Variants in TTC17 observed in about 807,000 individuals in gnomAD.
The protein encoded by TTC17 is tetratricopeptide repeat domain 17, also known as tetratricopeptide repeat protein 17.
A neutral mutation model predicts 143.8 loss-of-function variants in TTC17; 58 were observed. The ratio of observed to expected loss-of-function variants is 0.40; its 90% CI spans 0.33 to 0.50. The LOEUF (loss-of-function observed/expected upper bound fraction) is 0.50, where lower values mean the gene tolerates loss of function less well. Ranked by LOEUF, TTC17 falls within the 20% of genes least tolerant of loss-of-function variation. The pLI, the probability that TTC17 is intolerant of heterozygous loss-of-function variation, is 0.49. For missense variants in TTC17, 1,273 were observed against 1,392.5 expected, an observed-to-expected ratio of 0.91 and a Z score of 1.37; for synonymous variants, 501 against 497.8, an observed-to-expected ratio of 1.01 and a Z score of -0.09.
chr11:43,490,845 C>G (rs1341063584), intron 22 of TTC17: 1 of 90,320 alleles, frequency 1.1e-5, no homozygotes, highest in East Asian at 3.6e-4. Context: ...CTGACTTCTA[C>G]TTTTTCCACA....
chr11:43,446,084 C>CT (rs1409659446), intron 18 of TTC17: 1 of 1,502,020 alleles, frequency 6.7e-7, no homozygotes, highest in African/African-American at 1.4e-5. Context: ...AAAATTCAAA[C>CT]TTCCTAGTGT....
At chr11:43,465,300 C>T (rs1451297619) in intron 21 of TTC17, among the ~76,000 whole-genome samples, 1 of 152,164 alleles carries the variant, frequency 6.6e-6, no homozygotes, top group East Asian at 1.9e-4. Context: ...ACTTCTTAGA[C>T]ACAATGTCAA....
chr11:43,452,271 A>G (rs1166453286), intron 21 of TTC17, among the ~76,000 whole-genome samples: 1 of 152,022 alleles, frequency 6.6e-6, no homozygotes, highest in South Asian at 2.1e-4. Context: ...AGGCCAAGGC[A>G]GGTGGATCAC....
At chr11:43,367,287 A>G (rs916400637) in intron 1 of TTC17, among the ~76,000 whole-genome samples, 1 of 152,184 alleles carries the variant, frequency 6.6e-6, no homozygotes, top group East Asian at 1.9e-4. Flanking sequence ...TACTGTAGTC[A>G]TGTTGTGTTA....
At chr11:43,446,470 G>A (rs1947544058) in intron 18 of TTC17, 1 of 325,284 alleles carries the variant, frequency 3.1e-6, no homozygotes, top group Admixed American at 6.5e-5. Context: ...GTCTTTTATG[G>A]TTCTCAGCCC....
At chr11:43,391,661 T>C in intron 4 of TTC17, 85 bp downstream of exon 4, 1 of 1,268,886 alleles carries the variant, frequency 7.9e-7, no homozygotes, top group Non-Finnish European at 1.1e-6. Flanking sequence ...CCATTTCTCT[T>C]TCTTCTCTCC....
At chr11:43,384,233 T>TACTATGCA (rs1857087539) in intron 2 of TTC17, among the ~76,000 whole-genome samples, 1 of 152,088 alleles carries the variant, frequency 6.6e-6, no homozygotes, top group African/African-American at 2.4e-5. Context: ...AAAAAGTATC[T>TACTATGCA]ACTATGCAAA....
intron 2 of TTC17, among the ~76,000 whole-genome samples, chr11:43,381,528 A>AAAT (rs1345909302): frequency 6.6e-6 from 1 of 152,162 alleles, no homozygotes; most frequent in African/African-American, 2.4e-5. Flanking sequence ...AGCCTGGCAA[A>AAAT]AATAATAATA....
chr11:43,462,292 G>A (rs961842103), intron 21 of TTC17, among the ~76,000 whole-genome samples: 1 of 152,214 alleles, frequency 6.6e-6, no homozygotes, highest in Admixed American at 6.5e-5. Flanking sequence ...AGTATGGAAA[G>A]AAGAGGACTT....
intron 1 of TTC17, among the ~76,000 whole-genome samples, chr11:43,378,021 A>C (rs1301987222): frequency 1.3e-5 from 2 of 152,056 alleles, no homozygotes; most frequent in Non-Finnish European, 2.9e-5. Context: ...CTCCTACCTC[A>C]GCCTCCCGAG....
At chr11:43,459,327 C>T (rs1947821233) in intron 21 of TTC17, among the ~76,000 whole-genome samples, 1 of 152,204 alleles carries the variant, frequency 6.6e-6, no homozygotes. Context: ...CTTTGGTTCT[C>T]TGAAGTTGGC....
intron 21 of TTC17, among the ~76,000 whole-genome samples, chr11:43,479,345 G>A (rs1461973492): frequency 1.3e-5 from 2 of 152,098 alleles, no homozygotes; most frequent in Non-Finnish European, 2.9e-5. Context: ...AATAGCATCA[G>A]AAATGAGTAG....
At chr11:43,473,613 G>A (rs138893466) in intron 21 of TTC17, among the ~76,000 whole-genome samples, 2 of 152,300 alleles carry the variant, frequency 1.3e-5, no homozygotes, top group African/African-American at 2.4e-5. Context: ...AGTAGCTCAC[G>A]CCTGTAATCT....
At chr11:43,478,278 C>G (rs1276717302) in intron 21 of TTC17, among the ~76,000 whole-genome samples, 1 of 152,118 alleles carries the variant, frequency 6.6e-6, no homozygotes, top group Non-Finnish European at 1.5e-5. Context: ...ATGTATGGCG[C>G]TCATTTAGAT....
intron 10 of TTC17, 172 bp downstream of exon 10, chr11:43,401,730 G>A: frequency 2.0e-6 from 1 of 512,372 alleles, no homozygotes; most frequent in East Asian, 3.4e-5. Flanking sequence ...TGTAATCTCA[G>A]CACTTAGGGA....
chr11:43,430,750 A>ACACACAC (rs1565162027), intron 16 of TTC17, among the ~76,000 whole-genome samples: 1 of 75,822 alleles, frequency 1.3e-5, no homozygotes, highest in East Asian at 3.0e-4. Flanking sequence ...CACACACACA[A>ACACACAC]AGTTGAAATT....
intron 1 of TTC17, among the ~76,000 whole-genome samples, chr11:43,365,284 G>A (rs1473845523): frequency 1.3e-5 from 2 of 151,662 alleles, no homozygotes; most frequent in Non-Finnish European, 2.9e-5. Flanking sequence ...TTTATTTTTT[G>A]TAGAGATAGG....
At chr11:43,409,798 A>C (rs948109231) in intron 15 of TTC17, among the ~76,000 whole-genome samples, 4 of 151,780 alleles carry the variant, frequency 2.6e-5, no homozygotes, top group African/African-American at 9.7e-5. Flanking sequence ...TGTAACGTAA[A>C]GTTTTATCTT....
At position 43,414,755 on chromosome 11, in the gene TTC17, A is replaced by T. The variant is rs1287597963; in HGVS notation, c.2230A>T (p.Ile744Phe). ...GCAGTTTTATCCTTTTCTGTACAAC[A>T]TCACTTCTTCTGTTTGCAGTGGTAA... is the stretch of plus-strand genomic sequence containing the variant. ...CMQFYPFLYN[I>F]TSSVCSGTVV... Residue 744 changes from isoleucine (I) to phenylalanine (F), a missense_variant, in exon 16 of 24, where the codon ATC becomes TTC. Ile to Phe is a conservative substitution (Grantham distance 21). Around this residue, in one of 3 missense-constraint regions of TTC17, gnomAD observed 878 missense variants for 899.8 expected, o/e 0.98. Transcript: ENST00000039989. 1 of 1,613,458 alleles carries T rather than the reference A, an allele frequency of 6.2e-7. No homozygotes were observed. The highest frequency in any genetic ancestry group is 2.2e-5 in the East Asian group (1 of 44,854).
Sources: allele counts gnomAD v4.1 joint callset (sites outside exome capture counted in the v4.1 genomes callset), GRCh38; gene constraint gnomAD v4.1.1; regional missense constraint gnomAD v4.1.1; transcripts MANE v1.5; gene names NCBI Gene and HGNC (gene_info 2026-07-23, HGNC 2026-07-21).